Variants in HECTD2 observed in about 807,000 individuals in gnomAD.
HECTD2 encodes probable E3 ubiquitin-protein ligase HECTD2.
HECTD2 carries 35 observed loss-of-function variants against 103.2 expected under a neutral mutation model. The observed-to-expected ratio is 0.34, with a 90% CI of 0.26 to 0.45. The LOEUF is 0.45. Ranked by LOEUF, HECTD2 falls within the 20% of genes least tolerant of loss-of-function variation. The pLI is 1.00. For synonymous variants in HECTD2, 281 were observed against 329.9 expected (o/e 0.85, Z 1.61); for missense variants, 596 against 937.4 (o/e 0.64, Z 4.76).
chr10:91,450,679 GAAA>G (rs139563239), intron 2 of HECTD2, among the ~76,000 whole-genome samples: 5 of 141,354 alleles, frequency 3.5e-5, no homozygotes, highest in African/African-American at 1.0e-4. Flanking sequence ...AGATTTACAA[GAAA>G]AAAAAAAACC....
chr10:91,476,862 T>C (rs1564726249), intron 5 of HECTD2, among the ~76,000 whole-genome samples: 1 of 152,060 alleles, frequency 6.6e-6, no homozygotes, highest in Non-Finnish European at 1.5e-5. Flanking sequence ...AAGAGGCTGC[T>C]CAGGATGGGG....
intron 11 of HECTD2, chr10:91,488,786 C>T (rs1424646515): frequency 6.6e-6 from 1 of 152,082 alleles, no homozygotes; most frequent in African/African-American, 2.4e-5. Flanking sequence ...TCATCTTATA[C>T]TGAATATGGG....
chr10:91,476,162 G>A (rs1419161476), intron 5 of HECTD2, among the ~76,000 whole-genome samples: 1 of 152,176 alleles, frequency 6.6e-6, no homozygotes, highest in African/African-American at 2.4e-5. Flanking sequence ...ATACAGGAGA[G>A]ATAAGGAAAA....
intron 14 of HECTD2, among the ~76,000 whole-genome samples, chr10:91,494,386 G>A (rs1846590026): frequency 6.6e-6 from 1 of 151,986 alleles, no homozygotes; most frequent in South Asian, 2.1e-4. Context: ...TATAAGCTGA[G>A]AGAATGGTGA....
intron 1 of HECTD2, among the ~76,000 whole-genome samples, chr10:91,422,135 T>C (rs1459965372): frequency 6.6e-6 from 1 of 152,140 alleles, no homozygotes; most frequent in Non-Finnish European, 1.5e-5. Context: ...CCTCAATGAT[T>C]TTTCTCTATC....
chr10:91,426,643 A>C (rs74979969), intron 2 of HECTD2, among the ~76,000 whole-genome samples: 174 of 151,738 alleles, frequency 1.1e-3, no homozygotes, highest in African/African-American at 4.1e-3. Flanking sequence ...CTTTTAGTTC[A>C]CACTCTAATT....
chr10:91,514,357 T>TTAAG lies in HECTD2; in HGVS notation c.*1975_*1978dup, dbSNP rs1280574319. The TTAAG allele has an allele frequency of 6.5e-6, 1 of 152,776 alleles. No individual in the cohort carries two copies. Among genetic ancestry groups the TTAAG allele is most frequent in the East Asian group, 1.9e-4 (1 of 5,188 alleles). 9.5% of individuals were successfully genotyped at this position (152,776 alleles called of 1,614,324 possible). A position where few individuals can be genotyped will look rare whatever the true frequency, so the allele number is the denominator to read the frequency against. On this transcript the variant is annotated 3_prime_UTR_variant, in exon 21 of 21. Coordinates refer to ENST00000298068, the MANE Select transcript of HECTD2 (RefSeq NM_182765.6). ...ACTAGAGAATTTTTGTTATCTGTTG[T>TTAAG]TAAGTTGAAATGTATAATCATTTAT...
At position 91,478,209 on chromosome 10, in the gene HECTD2, C is replaced by A. The variant is rs894042831; in HGVS notation, c.609C>A (p.Asp203Glu). Residue 203 changes from aspartate to glutamate, a missense_variant, in exon 6 of 21, where the codon GAC becomes GAA. By Grantham distance (45) the Asp-to-Glu change is conservative. Transcript: ENST00000298068. ...VYDTLLNTPQ[D>E]VQKTVLKGII... is the part of the protein sequence containing the mutation. ...TTTTCTTTTGCCTACAGCCTCAAGA[C>A]GTTCAGAAGACAGTATTAAAGGGAA... 9.9e-6 allele frequency: 16 copies of A among 1,608,056 alleles called. No individual in the cohort carries two copies. The highest frequency in any genetic ancestry group is 1.4e-5 in the Non-Finnish European group (16 of 1,175,160).
At chr10:91,468,268 T>C (rs921142866) in intron 5 of HECTD2, among the ~76,000 whole-genome samples, 4 of 152,098 alleles carry the variant, frequency 2.6e-5, no homozygotes, top group African/African-American at 9.7e-5. Context: ...CCCCCAGAGT[T>C]AGAGCATGCA....
chr10:91,497,021 T>TC (rs1337930730), intron 15 of HECTD2, among the ~76,000 whole-genome samples: 1 of 150,972 alleles, frequency 6.6e-6, no homozygotes. Flanking sequence ...GTGCAGTGGC[T>TC]CCACCTTGGC....
intron 2 of HECTD2, among the ~76,000 whole-genome samples, chr10:91,437,719 T>TA (rs1242926530): frequency 1.3e-5 from 2 of 151,596 alleles, no homozygotes; most frequent in African/African-American, 4.8e-5. Flanking sequence ...AAAATCAGTT[T>TA]TTTATAATAG....
At chr10:91,500,075 C>T (rs778976260) in intron 18 of HECTD2, among the ~76,000 whole-genome samples, 17 of 151,906 alleles carry the variant, frequency 1.1e-4, no homozygotes, top group Non-Finnish European at 1.9e-4. Context: ...GACTAACCCA[C>T]CTGAAAGTTG....
chr10:91,459,789 C>A (rs1845265819), intron 2 of HECTD2, among the ~76,000 whole-genome samples: 1 of 152,090 alleles, frequency 6.6e-6, no homozygotes, highest in Non-Finnish European at 1.5e-5. Flanking sequence ...TATACCTTTT[C>A]TGTATTTACA....
chr10:91,456,728 C>G (rs1264580512), intron 2 of HECTD2, among the ~76,000 whole-genome samples: 1 of 151,912 alleles, frequency 6.6e-6, no homozygotes, highest in East Asian at 1.9e-4. Context: ...ATAAATAGCT[C>G]TTATTATTTT....
intron 2 of HECTD2, among the ~76,000 whole-genome samples, chr10:91,438,834 A>G (rs1416532191): frequency 6.6e-6 from 1 of 152,130 alleles, no homozygotes; most frequent in Non-Finnish European, 1.5e-5. Flanking sequence ...ACGAGTGATG[A>G]TGAGCTTTTT....
chr10:91,439,071 T>G (rs1844270256), intron 2 of HECTD2, among the ~76,000 whole-genome samples: 1 of 152,194 alleles, frequency 6.6e-6, no homozygotes, highest in East Asian at 1.9e-4. Context: ...GCAGGAGCTG[T>G]TTAGTTTAAT....
At chr10:91,505,769 A>G (rs952010656) in intron 20 of HECTD2, among the ~76,000 whole-genome samples, 2 of 152,128 alleles carry the variant, frequency 1.3e-5, no homozygotes, top group Admixed American at 6.5e-5. Flanking sequence ...CACACCAAGC[A>G]GACCTAATAG....
At chr10:91,457,576 T>A (rs1427468967) in intron 2 of HECTD2, among the ~76,000 whole-genome samples, 2 of 152,102 alleles carry the variant, frequency 1.3e-5, no homozygotes, top group East Asian at 3.9e-4. Flanking sequence ...GTAAAATAAT[T>A]TGACAAAATC....
In HECTD2 at chr10:91,508,951, A is replaced by T. The variant is rs537834328; in HGVS notation, c.2211-3313A>T. 2.7e-3 allele frequency among the ~76,000 whole-genome samples: 417 copies of T among 152,154 alleles called. 2 individuals are homozygous for T. The highest frequency in any genetic ancestry group is 9.7e-3 in the African/African-American group (402 of 41,472). ...ATGGAATACTATGCAGCCATAAAAA[A>T]TGATGAGTTCATGTCCTTTGTAGGG... On this transcript the variant is annotated intron_variant, in intron 20 of 20. Transcript: ENST00000298068.
Sources: gnomAD v4.1 joint callset for allele counts (sites outside exome capture counted in the v4.1 genomes callset) on GRCh38, gnomAD v4.1.1 for gene constraint, MANE v1.5 for transcripts, NCBI Gene and HGNC (gene_info 2026-07-23, HGNC 2026-07-21) for gene names.